The following GBP5 variants were observed in gnomAD, a reference collection of about 807,000 sequenced individuals.
GBP5 encodes the protein guanylate binding protein 5, also known as guanylate-binding protein 5.
A neutral mutation model predicts 58.2 loss-of-function variants in GBP5; 48 were observed. That is an observed-to-expected ratio of 0.83 (90% confidence interval 0.65 to 1.05). The LOEUF (loss-of-function observed/expected upper bound fraction) is 1.05. GBP5 is among the 50% of genes least tolerant of loss of function. The pLI, the probability that GBP5 is intolerant of heterozygous loss-of-function variation, is 0.00. For synonymous variants in GBP5, 248 were observed against 251.8 expected (o/e 0.98, Z 0.14); for missense variants, 714 against 686.8 (o/e 1.04, Z -0.44).
intron 2 of GBP5, 126 bp downstream of exon 2, chr1:89,270,629 G>A (rs1360579740): frequency 2.6e-5 from 4 of 152,152 alleles, no homozygotes; most frequent in African/African-American, 7.2e-5. Flanking sequence ...TGTAGCACTA[G>A]GACATGGGAG....
chr1:89,265,300 G>A (rs962947653), intron 7 of GBP5, among the ~76,000 whole-genome samples: 2 of 151,792 alleles, frequency 1.3e-5, no homozygotes, highest in East Asian at 3.9e-4. Context: ...AATGCTATAG[G>A]CTTCTGTCTC....
Position 89,267,130 on chromosome 1 carries a change from AG to A in GBP5, c.451del (p.Leu151CysfsTer26), listed in dbSNP as rs1234612218. On this transcript the variant is annotated frameshift_variant, in exon 6 of 12. Transcript: ENST00000370459. LOFTEE classifies it high-confidence loss of function. ...LLHNVTELTD[L>X]LKARNSPDLD... ...GTCGGGTGAGTTTCTTGCCTTGAGC[AG>A]ATCTGTCAGTTCTGTCACATTGCTG... The A allele has an allele frequency of 1.5e-5, 24 of 1,602,380 alleles. No homozygotes were observed. The highest frequency in any genetic ancestry group is 2.0e-5 in the Non-Finnish European group (24 of 1,176,486).
At chr1:89,267,561 G>T in intron 4 of GBP5, 35 bp from the exon 5 acceptor site, 1 of 1,299,010 alleles carries the variant, frequency 7.7e-7, no homozygotes, top group Non-Finnish European at 1.1e-6. Flanking sequence ...CATGTCTCAT[G>T]GGATTCCCAG....
In GBP5 at chr1:89,263,906, G is replaced by C. The variant is rs1433816151; in HGVS notation, c.1192C>G (p.Leu398Val). Residue 398 changes from leucine (L) to valine (V), a missense_variant, in exon 9 of 12, where the codon CTG becomes GTG. By Grantham distance (32) the Leu-to-Val change is conservative. Transcript: ENST00000370459. ...GAGCAATAATCCGAGGATGCTTCCA[G>C]GTTCCGTTTACAAATGTCATTCTGT... ...AKQNDICKRNLEASSDYCSAL... is the reference protein window; with the variant it reads ...AKQNDICKRNVEASSDYCSAL... 6.2e-7 allele frequency: 1 copy of C among 1,611,964 alleles called. No homozygotes were observed. The highest frequency in any genetic ancestry group is 2.2e-5 in the East Asian group (1 of 44,848).
intron 9 of GBP5, 58 bp downstream of exon 9, chr1:89,263,678 A>G: frequency 8.1e-7 from 1 of 1,229,730 alleles, no homozygotes; most frequent in Non-Finnish European, 1.2e-6. Flanking sequence ...TCCTGTTCTC[A>G]CTGGTTTTAC....
intron 11 of GBP5, among the ~76,000 whole-genome samples, chr1:89,261,915 G>C (rs1650016657): frequency 6.6e-6 from 1 of 152,182 alleles, no homozygotes; most frequent in Non-Finnish European, 1.5e-5. Context: ...ACAACATATA[G>C]TGCTTACTCT....
Position 89,256,815 on chromosome 1 carries a change from C to T in GBP5, c.*3889G>A, listed in dbSNP as rs1649805736. 6.6e-6 allele frequency among the ~76,000 whole-genome samples: 1 copy of T among 152,062 alleles called. No individual in the cohort carries two copies. Among genetic ancestry groups the T allele is most frequent in the African/African-American group, 2.4e-5 (1 of 41,408 alleles). Reference sequence around the variant, plus strand: ...GGTCTGGTTACAACTTGATCTTTTCCTATATGGCCATCCAGTAGTCCCAAC... The same window carrying T: ...GGTCTGGTTACAACTTGATCTTTTCTTATATGGCCATCCAGTAGTCCCAAC... On this transcript the variant is annotated 3_prime_UTR_variant, in exon 12 of 12. Coordinates refer to ENST00000370459, the MANE Select transcript of GBP5 (RefSeq NM_052942.5).
chr1:89,257,263 G>T lies in GBP5; in HGVS notation c.*3441C>A, dbSNP rs142304661. On this transcript the variant is annotated 3_prime_UTR_variant, in exon 12 of 12. Transcript: ENST00000370459. ...ATCTTACATGGTGTCAGGCAAGAGA[G>T]CATGTGCAGGGGAATTGCCCTTTAT... 6.6e-6 allele frequency among the ~76,000 whole-genome samples: 1 copy of T among 152,294 alleles called. No individual in the cohort carries two copies. Among genetic ancestry groups the T allele is most frequent in the East Asian group, 1.9e-4 (1 of 5,184 alleles).
In GBP5 at chr1:89,269,404, T is replaced by C. The variant is rs1336420964; in HGVS notation, c.152A>G (p.Lys51Arg). ...VAIVGLYRTG[K>R]SYLMNKLAGK... ...AGCCAGCTTGTTCATCAGGTAGGAT[T>C]TGCCAGTGCGATAGAGGCCCACAAT... The change falls in exon 3 of 12, where the codon AAA (lysine) becomes AGA (arginine). Residue 51 changes from lysine (K) to arginine (R), a missense_variant. Lys to Arg is a conservative substitution (Grantham distance 26). Transcript: ENST00000370459. 1 of 1,614,144 alleles carries C rather than the reference T, an allele frequency of 6.2e-7. No homozygotes were observed. Among genetic ancestry groups the C allele is most frequent in the Non-Finnish European group, 8.5e-7 (1 of 1,179,994 alleles).
Position 89,264,806 on chromosome 1 carries a change from CAG to C in GBP5, c.1027_1028del (p.Leu343AlafsTer16), listed in dbSNP as rs1440048093. ...GCAGCTCCTGGAGGGTTTCCATGGG[CAG>C]CTGCACTTTCTGGCCCATTTGCTGG... ...YDQQMGQKVQ[L>X]PMETLQELLD... On this transcript the variant is annotated frameshift_variant, in exon 8 of 12. Transcript: ENST00000370459. LOFTEE classifies it high-confidence loss of function. The C allele has an allele frequency of 6.2e-7, 1 of 1,614,180 alleles. No individual in the cohort carries two copies. Among genetic ancestry groups the C allele is most frequent in the Admixed American group, 1.7e-5 (1 of 60,020 alleles).
intron 4 of GBP5, among the ~76,000 whole-genome samples, chr1:89,268,145 A>G (rs1650298802): frequency 6.6e-6 from 1 of 152,260 alleles, no homozygotes; most frequent in African/African-American, 2.4e-5. Flanking sequence ...TAACTTTGGT[A>G]GCTTGAAATC....
At chr1:89,262,649 T>C (rs1557500593) in intron 10 of GBP5, 34 bp downstream of exon 10, 1 of 1,432,902 alleles carries the variant, frequency 7.0e-7, no homozygotes, top group South Asian at 1.2e-5. Flanking sequence ...TATAGATTTC[T>C]TTCTATCTTG....
At chr1:89,266,613 T>C in intron 6 of GBP5, 25 bp from the exon 7 acceptor site, 1 of 1,594,002 alleles carries the variant, frequency 6.3e-7, no homozygotes, top group Admixed American at 1.7e-5. Flanking sequence ...ATAGGATTTA[T>C]TTAGCATAGA....
At chr1:89,264,414 A>T (rs941437619) in intron 8 of GBP5, among the ~76,000 whole-genome samples, 6 of 152,220 alleles carry the variant, frequency 3.9e-5, no homozygotes, top group Non-Finnish European at 8.8e-5. Context: ...ATACTTTGTA[A>T]ATGCAACTGG....
rs1649851560 is a variant in GBP5, at chr1:89,258,058, C to G, written c.*2646G>C. On this transcript the variant is annotated 3_prime_UTR_variant, in exon 12 of 12. Transcript: ENST00000370459. The stretch of plus-strand genomic sequence containing the variant: ...AATCATCAATGTTTACCTTACAGTG[C>G]CTTTTCTTGTTCTTTTGCACCCAGT... Among the ~76,000 whole-genome samples the G allele has an allele frequency of 6.6e-6, 1 of 152,152 alleles. No individual in the cohort carries two copies.
chr1:89,266,474 T>C lies in GBP5; in HGVS notation c.740A>G (p.Gln247Arg). ...DLPAHQKKLA[Q>R]LETLPDDELE... ...CTCATCATCAGGCAGTGTTTCAAGT[T>C]GGGCAAGCTTTTTTTGGTGAGCAGG... Residue 247 changes from glutamine (Q) to arginine (R), a missense_variant, in exon 7 of 12, where the codon CAA becomes CGA. Coordinates refer to ENST00000370459, the MANE Select transcript of GBP5 (RefSeq NM_052942.5). The C allele has an allele frequency of 1.9e-6, 3 of 1,614,170 alleles. No homozygotes were observed. Among genetic ancestry groups the C allele is most frequent in the Non-Finnish European group, 2.5e-6 (3 of 1,180,004 alleles).
intron 2 of GBP5, chr1:89,270,104 T>C (rs1157427355): frequency 1.3e-5 from 2 of 152,230 alleles, no homozygotes; most frequent in South Asian, 2.1e-4. Context: ...CTTAGTGATA[T>C]ACTTGAAATT....
At chr1:89,272,284 C>T (rs1346852327) in intron 1 of GBP5, 168 bp downstream of exon 1, 5 of 152,218 alleles carry the variant, frequency 3.3e-5, no homozygotes, top group Admixed American at 2.6e-4. Context: ...AAGAGGCAGA[C>T]ACAGCTGGTA....
rs943873270 is a variant in GBP5, at chr1:89,256,301, C to G, written c.*4403G>C. On this transcript the variant is annotated 3_prime_UTR_variant, in exon 12 of 12. Coordinates refer to ENST00000370459, the MANE Select transcript of GBP5 (RefSeq NM_052942.5). ...AAACAGGCCAAACAAAATTACATTA[C>G]TTAGGAGCTCACATGTTTATAATAA... Among the ~76,000 whole-genome samples, 1 of 152,074 alleles carries G rather than the reference C, an allele frequency of 6.6e-6. No homozygotes were observed. Among genetic ancestry groups the G allele is most frequent in the African/African-American group, 2.4e-5 (1 of 41,412 alleles).
Sources: allele counts gnomAD v4.1 joint callset (sites outside exome capture counted in the v4.1 genomes callset), GRCh38; gene constraint gnomAD v4.1.1; transcripts MANE v1.5; gene names NCBI Gene and HGNC (gene_info 2026-07-23, HGNC 2026-07-21).